OR9Q1: variants seen among roughly 807,000 people sequenced by gnomAD.
OR9Q1 encodes the protein olfactory receptor family 9 subfamily Q member 1, also known as olfactory receptor 9Q1.
For synonymous variants in OR9Q1, 153 were observed against 148.6 expected, an observed-to-expected ratio of 1.03 and a Z score of -0.22; for missense variants, 374 against 378.8, an observed-to-expected ratio of 0.99 and a Z score of 0.11.
chr11:58,032,782 T>C (rs980012214), intron 1 of OR9Q1, among the ~76,000 whole-genome samples: 5 of 152,190 alleles, frequency 3.3e-5, no homozygotes, highest in Non-Finnish European at 7.4e-5. Context: ...ATTAAATAGC[T>C]TCTGCACAGT....
chr11:58,165,562 G>T (rs1269685576), intron 2 of OR9Q1, among the ~76,000 whole-genome samples: 1 of 152,100 alleles, frequency 6.6e-6, no homozygotes, highest in Non-Finnish European at 1.5e-5. Flanking sequence ...ACCACTTATT[G>T]TTACTTGTTT....
At chr11:58,177,932 G>C (rs924232757) in intron 2 of OR9Q1, among the ~76,000 whole-genome samples, 1 of 152,188 alleles carries the variant, frequency 6.6e-6, no homozygotes, top group African/African-American at 2.4e-5. Context: ...TTTGAAGGTA[G>C]GGTAAGAGTT....
Position 58,180,661 on chromosome 11 carries a change from T to C in OR9Q1, c.*284T>C, listed in dbSNP as rs76211141. 3.6e-6 allele frequency: 1 copy of C among 274,112 alleles called. No individual in the cohort carries two copies. The highest frequency in any genetic ancestry group is 2.2e-5 in the African/African-American group (1 of 45,254). The allele number at this position is 274,112 out of a possible 1,614,324, so 17.0% of individuals were successfully genotyped here. A position where few individuals can be genotyped will look rare whatever the true frequency, so the allele number is the denominator to read the frequency against. On this transcript the variant is annotated 3_prime_UTR_variant, in exon 3 of 3. Transcript: ENST00000335397. ...GGCACACTTCACCTGTCTGTGATTATAAGAGTAATTTTTTTTGCAAAATTT... is the reference window on the plus strand; with the variant it reads ...GGCACACTTCACCTGTCTGTGATTACAAGAGTAATTTTTTTTGCAAAATTT...
At chr11:58,115,095 G>A (rs1853940133) in intron 2 of OR9Q1, among the ~76,000 whole-genome samples, 1 of 152,128 alleles carries the variant, frequency 6.6e-6, no homozygotes, top group Admixed American at 6.5e-5. Context: ...CAGTTGTACA[G>A]GATATTTAAC....
At chr11:58,144,780 ATTC>A (rs750709477) in intron 2 of OR9Q1, 16 of 151,802 alleles carry the variant, frequency 1.1e-4, no homozygotes, top group African/African-American at 3.9e-4. Flanking sequence ...GTGCCAGCCA[ATTC>A]TTCTTTTTCA....
At chr11:58,103,732 T>C (rs1363809525) in intron 2 of OR9Q1, among the ~76,000 whole-genome samples, 1 of 152,244 alleles carries the variant, frequency 6.6e-6, no homozygotes. Context: ...TTCAATTTAC[T>C]GGAGTAGCTT....
At chr11:58,048,679 A>ATATATATATATATATATATATATAT (rs1554965247) in intron 1 of OR9Q1, among the ~76,000 whole-genome samples, 1 of 131,394 alleles carries the variant, frequency 7.6e-6, no homozygotes, top group African/African-American at 2.8e-5. Context: ...TAAAAAAAAA[A>ATATATATATATATATATATATATAT]ATATATATAT....
chr11:58,123,458 G>C (rs1854056131), intron 2 of OR9Q1, among the ~76,000 whole-genome samples: 1 of 152,162 alleles, frequency 6.6e-6, no homozygotes, highest in African/African-American at 2.4e-5. Context: ...CCTGACCAGA[G>C]ATTAGGTGGC....
At chr11:58,105,469 C>T (rs900359588) in intron 2 of OR9Q1, among the ~76,000 whole-genome samples, 8 of 152,150 alleles carry the variant, frequency 5.3e-5, no homozygotes, top group African/African-American at 1.4e-4. Context: ...TCAAAAGTTT[C>T]CTTTTGTCCC....
intron 2 of OR9Q1, among the ~76,000 whole-genome samples, chr11:58,069,565 G>A (rs1399875756): frequency 6.6e-6 from 1 of 152,128 alleles, no homozygotes; most frequent in Non-Finnish European, 1.5e-5. Flanking sequence ...GTCCCCTGAA[G>A]AAAGGGCTAT....
intron 1 of OR9Q1, among the ~76,000 whole-genome samples, chr11:58,053,636 A>ATATTATATATATATAATT (rs1590559479): frequency 3.6e-5 from 5 of 140,282 alleles, no homozygotes; most frequent in Non-Finnish European, 7.6e-5. Context: ...TAAAATATAT[A>ATATTATATATATATAATT]TATATATAAA....
chr11:58,180,641 A>T lies in OR9Q1; in HGVS notation c.*264A>T, dbSNP rs1453520252. The T allele has an allele frequency of 3.3e-5, 11 of 328,714 alleles. No homozygotes were observed. The Admixed American group carries it at 4.8e-4, about 14-fold the overall frequency. The allele number at this position is 328,714 out of a possible 1,614,324, so 20.4% of individuals were successfully genotyped here. A position where few individuals can be genotyped will look rare whatever the true frequency, so the allele number is the denominator to read the frequency against. The stretch of plus-strand genomic sequence containing the variant: ...AGCCTGTGCAATCCAAATATGGCAC[A>T]CTTCACCTGTCTGTGATTATAAGAG... On this transcript the variant is annotated 3_prime_UTR_variant, in exon 3 of 3. Transcript: ENST00000335397.
chr11:58,061,082 CT>C (rs1853376693), intron 2 of OR9Q1, among the ~76,000 whole-genome samples: 1 of 152,148 alleles, frequency 6.6e-6, no homozygotes, highest in Non-Finnish European at 1.5e-5. Context: ...AATGCCTGTT[CT>C]TTTCTCTTCT....
chr11:58,140,867 T>C (rs1432218826), intron 2 of OR9Q1, among the ~76,000 whole-genome samples: 3 of 152,230 alleles, frequency 2.0e-5, no homozygotes, highest in Admixed American at 6.5e-5. Flanking sequence ...AATCTATAAA[T>C]GACCTTGGGC....
intron 2 of OR9Q1, among the ~76,000 whole-genome samples, chr11:58,064,788 G>T (rs1853412516): frequency 6.6e-6 from 1 of 152,082 alleles, no homozygotes; most frequent in Admixed American, 6.5e-5. Context: ...GCATTCTAAA[G>T]AGCCACAAAA....
rs1269833292 is a variant in OR9Q1, at chr11:58,181,562, A to T, written c.*1185A>T. 2 of 148,216 alleles carry T rather than the reference A, an allele frequency of 1.3e-5. No homozygotes were observed. The highest frequency in any genetic ancestry group is 3.0e-5 in the Non-Finnish European group (2 of 67,042). 9.2% of individuals were successfully genotyped at this position (148,216 alleles called of 1,614,324 possible). A position where few individuals can be genotyped will look rare whatever the true frequency, so the allele number is the denominator to read the frequency against. On this transcript the variant is annotated 3_prime_UTR_variant, in exon 3 of 3. Coordinates refer to ENST00000335397, the MANE Select transcript of OR9Q1 (RefSeq NM_001005212.4). ...AACTTCTTTTCCTGTCTCCTGGATT[A>T]CTAAAAAAAAAAAAAAAAAAAAAAA...
At chr11:58,070,455 C>T (rs1486053460) in intron 2 of OR9Q1, among the ~76,000 whole-genome samples, 1 of 152,150 alleles carries the variant, frequency 6.6e-6, no homozygotes, top group African/African-American at 2.4e-5. Flanking sequence ...GGTGTCTGAG[C>T]AAAAATCTCC....
In OR9Q1 at chr11:58,024,953, A is replaced by G. The variant is rs186956146; in HGVS notation, c.-93+849A>G. Among the ~76,000 whole-genome samples, 754 of 152,244 alleles carry G rather than the reference A, an allele frequency of 5.0e-3. 6 individuals carry two copies. Among genetic ancestry groups the G allele is most frequent in the Middle Eastern group, 0.037 (11 of 294 alleles). On this transcript the variant is annotated intron_variant, in intron 1 of 2. Transcript: ENST00000335397. ...GCACGGTGTGGAGGCTTTTTTTGTC[A>G]GAAGCTCTGGGGTTTGGCTCTTCTC...
chr11:58,110,687 C>G (rs1590595723), intron 2 of OR9Q1, among the ~76,000 whole-genome samples: 1 of 152,320 alleles, frequency 6.6e-6, no homozygotes, highest in Non-Finnish European at 1.5e-5. Flanking sequence ...TACACTGGTC[C>G]TTCTCGACAG....
Sources: allele counts gnomAD v4.1 joint callset (sites outside exome capture counted in the v4.1 genomes callset), GRCh38; gene constraint gnomAD v4.1.1; transcripts MANE v1.5; gene names NCBI Gene and HGNC (gene_info 2026-07-23, HGNC 2026-07-21).